ZBTB44: variants seen among roughly 807,000 people sequenced by gnomAD.
ZBTB44 encodes the protein zinc finger and BTB domain-containing protein 44.
In ZBTB44, 15 loss-of-function variants were observed where a neutral mutation model predicts 54.0. The observed-to-expected ratio is 0.28, with a 90% CI of 0.19 to 0.43. The LOEUF is 0.43. Among genes scored for constraint, ZBTB44 ranks in the 20% least tolerant of loss-of-function variants. The pLI is 1.00. For synonymous variants in ZBTB44, 230 were observed against 250.1 expected (o/e 0.92, Z 0.76); for missense variants, 487 against 707.1 (o/e 0.69, Z 3.53).
At chr11:130,307,869 G>A (rs1942365398) in intron 1 of ZBTB44, among the ~76,000 whole-genome samples, 1 of 152,122 alleles carries the variant, frequency 6.6e-6, no homozygotes, top group African/African-American at 2.4e-5. Flanking sequence ...GTGACTACAG[G>A]TGCATGCCAC....
At chr11:130,256,063 A>G (rs991878826) in intron 2 of ZBTB44, among the ~76,000 whole-genome samples, 1 of 152,116 alleles carries the variant, frequency 6.6e-6, no homozygotes. Flanking sequence ...ACAACAGAAA[A>G]AGAGGGACTC....
At position 130,261,869 on chromosome 11, in the gene ZBTB44, C is replaced by T. The variant is rs762295189; in HGVS notation, c.5G>A (p.Gly2Asp). The T allele has an allele frequency of 5.0e-6, 8 of 1,601,118 alleles. No homozygotes were observed. The East Asian group carries it at 1.3e-4, about 27-fold the overall frequency. ...GGAGCTATGAGTAAATGTTTTCACA[C>T]CCATCTTTTACTTCCTCTTCTACAG... M[G>D]VKTFTHSSSS... is the part of the protein sequence containing the mutation. Residue 2 changes from glycine to aspartate, a missense_variant, in exon 2 of 8, where the codon GGT becomes GAT. Around this residue, in one of 3 missense-constraint regions of ZBTB44, gnomAD observed 90 missense variants for 160.3 expected, o/e 0.56. Transcript: ENST00000357899. The surrounding 1 kb of genome is among the most constrained non-coding windows in gnomAD (Gnocchi z 4.8).
intron 1 of ZBTB44, among the ~76,000 whole-genome samples, chr11:130,266,190 A>C (rs1012706575): frequency 2.0e-5 from 3 of 152,214 alleles, no homozygotes; most frequent in African/African-American, 7.2e-5. Flanking sequence ...GATTAGGCTC[A>C]ATCTATTCTG....
At chr11:130,278,916 T>C (rs146691730) in intron 1 of ZBTB44, among the ~76,000 whole-genome samples, 90 of 152,326 alleles carry the variant, frequency 5.9e-4, no homozygotes, top group African/African-American at 2.1e-3. Flanking sequence ...AAATCTGACA[T>C]GTGGTCTCTC....
intron 1 of ZBTB44, among the ~76,000 whole-genome samples, chr11:130,276,076 A>G (rs1428265009): frequency 1.3e-5 from 2 of 151,618 alleles, no homozygotes; most frequent in East Asian, 3.9e-4. Flanking sequence ...AAATACAAAA[A>G]TTAACCAGGC....
intron 1 of ZBTB44, among the ~76,000 whole-genome samples, chr11:130,305,489 A>C (rs548040154): frequency 1.3e-5 from 2 of 152,334 alleles, no homozygotes; most frequent in African/African-American, 4.8e-5. Context: ...CAAAGCAAAC[A>C]AAAACATAAA....
Position 130,228,170 on chromosome 11 carries a change from A to G in ZBTB44, c.*3594T>C, listed in dbSNP as rs1194438124. 4 of 152,248 alleles carry G rather than the reference A, an allele frequency of 2.6e-5. No individual in the cohort carries two copies. Among genetic ancestry groups the G allele is most frequent in the East Asian group, 1.9e-4 (1 of 5,204 alleles). 9.4% of individuals were successfully genotyped at this position (152,248 alleles called of 1,614,324 possible). A position where few individuals can be genotyped will look rare whatever the true frequency, so the allele number is the denominator to read the frequency against. On this transcript the variant is annotated 3_prime_UTR_variant, in exon 8 of 8. Transcript: ENST00000357899. Reference sequence around the variant, plus strand: ...GCAACGGGAGGCACCAGTAAACAACAGAAACATTAAATACATTATTGGGAA... The same window carrying G: ...GCAACGGGAGGCACCAGTAAACAACGGAAACATTAAATACATTATTGGGAA...
chr11:130,276,490 A>G (rs970190572), intron 1 of ZBTB44, among the ~76,000 whole-genome samples: 1 of 149,034 alleles, frequency 6.7e-6, no homozygotes, highest in Non-Finnish European at 1.5e-5. Flanking sequence ...GCTGGAGTGC[A>G]GTGGCATGAT....
At chr11:130,264,294 G>A (rs560459577) in intron 1 of ZBTB44, among the ~76,000 whole-genome samples, 29 of 152,086 alleles carry the variant, frequency 1.9e-4, no homozygotes, top group Non-Finnish European at 4.1e-4. Flanking sequence ...TCCTGAAAGG[G>A]CCAGAAACCA....
At chr11:130,253,327 T>C (rs1206164729) in intron 2 of ZBTB44, among the ~76,000 whole-genome samples, 4 of 152,214 alleles carry the variant, frequency 2.6e-5, no homozygotes, top group African/African-American at 4.8e-5. Flanking sequence ...CCCCATCGTC[T>C]CAGCCCAAAA....
chr11:130,289,648 A>T (rs531727809), intron 1 of ZBTB44, among the ~76,000 whole-genome samples: 2 of 152,182 alleles, frequency 1.3e-5, no homozygotes, highest in African/African-American at 4.8e-5. Flanking sequence ...CTAAATTTGC[A>T]TATCTGTATT....
At chr11:130,276,242 A>AAAAAAAAAAAAAAAG (rs59112840) in intron 1 of ZBTB44, among the ~76,000 whole-genome samples, 1,763 of 94,158 alleles carry the variant, frequency 0.019, 150 homozygotes, top group Non-Finnish European at 0.022. Context: ...CAAAAAAAAA[A>AAAAAAAAAAAAAAAG]AAAAGAAAAA....
intron 1 of ZBTB44, among the ~76,000 whole-genome samples, chr11:130,273,379 G>A (rs1042381370): frequency 3.4e-5 from 5 of 145,220 alleles, no homozygotes; most frequent in African/African-American, 1.3e-4. Context: ...GTATGATCAC[G>A]GCTCACTGAA....
intron 1 of ZBTB44, among the ~76,000 whole-genome samples, chr11:130,294,376 C>T (rs544563137): frequency 9.4e-4 from 142 of 151,592 alleles, no homozygotes; most frequent in African/African-American, 3.2e-3. Context: ...CACGCCACTG[C>T]CCTCCAGCCT....
chr11:130,289,478 C>G (rs1381471401), intron 1 of ZBTB44, among the ~76,000 whole-genome samples: 3 of 144,002 alleles, frequency 2.1e-5, no homozygotes, highest in African/African-American at 8.1e-5. Flanking sequence ...CAAGACTCTG[C>G]CTCAAAAAAA....
intron 1 of ZBTB44, among the ~76,000 whole-genome samples, chr11:130,264,792 ACTTTG>A (rs1414675908): frequency 1.3e-5 from 2 of 152,206 alleles, no homozygotes; most frequent in African/African-American, 4.8e-5. Context: ...ATCTTCTTGC[ACTTTG>A]CTTTATTAAA....
intron 1 of ZBTB44, among the ~76,000 whole-genome samples, chr11:130,311,538 T>G (rs890829001): frequency 6.6e-6 from 1 of 152,222 alleles, no homozygotes; most frequent in Admixed American, 6.5e-5. Flanking sequence ...AAACCAAGAT[T>G]TTCATTTAAG....
At chr11:130,238,835 A>G (rs1591928186) in intron 3 of ZBTB44, 1 of 436,774 alleles carries the variant, frequency 2.3e-6, no homozygotes, top group East Asian at 4.2e-5. Context: ...GGCAGAAGTC[A>G]TATCGTGTAG....
chr11:130,229,973 G>A lies in ZBTB44; in HGVS notation c.*1791C>T, dbSNP rs980125252. On this transcript the variant is annotated 3_prime_UTR_variant, in exon 8 of 8. Transcript: ENST00000357899. ...AATTACAGCTTCATACTTTGCAGATGACTGAAACAAAGTAACATATGAAAG... is the reference window on the plus strand; with the variant it reads ...AATTACAGCTTCATACTTTGCAGATAACTGAAACAAAGTAACATATGAAAG... The A allele has an allele frequency of 1.3e-5, 2 of 151,824 alleles. No individual in the cohort carries two copies. Among genetic ancestry groups the A allele is most frequent in the African/African-American group, 4.8e-5 (2 of 41,374 alleles). 9.4% of individuals were successfully genotyped at this position (151,824 alleles called of 1,614,324 possible).
Sources: gnomAD v4.1 joint callset for allele counts (sites outside exome capture counted in the v4.1 genomes callset) on GRCh38, gnomAD v4.1.1 for gene constraint, gnomAD v4.1.1 regional missense constraint, Gnocchi (gnomAD v3.1) non-coding constraint, MANE v1.5 for transcripts, NCBI Gene and HGNC (gene_info 2026-07-23, HGNC 2026-07-21) for gene names.